Variants in COL25A1 observed in about 807,000 individuals in gnomAD.
COL25A1 encodes collagen type XXV alpha 1 chain.
COL25A1 carries 103 observed loss-of-function variants against 128.4 expected under a neutral mutation model. The observed-to-expected ratio is 0.80, with a 90% confidence interval of 0.68 to 0.94. The LOEUF is 0.94. COL25A1 is among the 40% of genes least tolerant of loss of function. COL25A1 has a pLI of 0.00. For missense variants in COL25A1, 745 were observed against 840.0 expected, an observed-to-expected ratio of 0.89 and a Z score of 1.40; for synonymous variants, 279 against 277.2, an observed-to-expected ratio of 1.01 and a Z score of -0.06.
At chr4:109,230,446 C>A (rs1779093022) in intron 3 of COL25A1, among the ~76,000 whole-genome samples, 1 of 152,168 alleles carries the variant, frequency 6.6e-6, no homozygotes, top group African/African-American at 2.4e-5. Context: ...TTATTTAAAT[C>A]ACTCTTGCCT....
intron 24 of COL25A1, among the ~76,000 whole-genome samples, chr4:108,857,531 G>A (rs1736668984): frequency 6.9e-6 from 1 of 145,730 alleles, no homozygotes; most frequent in Non-Finnish European, 1.5e-5. Context: ...GAAAAATAAT[G>A]AAAAGGCCAA....
At chr4:109,179,061 T>G (rs1453611170) in intron 3 of COL25A1, among the ~76,000 whole-genome samples, 3 of 151,918 alleles carry the variant, frequency 2.0e-5, no homozygotes, top group African/African-American at 7.3e-5. Context: ...AAAGTTGTCC[T>G]AAAATGTTTT....
intron 3 of COL25A1, among the ~76,000 whole-genome samples, chr4:109,181,871 C>T (rs1774666599): frequency 6.6e-6 from 1 of 151,996 alleles, no homozygotes; most frequent in Non-Finnish European, 1.5e-5. Flanking sequence ...TGCCCCTAGC[C>T]CTTGATAACC....
At chr4:108,917,934 T>C (rs544774821) in intron 13 of COL25A1, among the ~76,000 whole-genome samples, 37 of 152,310 alleles carry the variant, frequency 2.4e-4, no homozygotes, top group African/African-American at 7.9e-4. Context: ...ACATAATTTA[T>C]TGAAAAGCAA....
At chr4:108,871,343 G>T (rs901571889) in intron 19 of COL25A1, among the ~76,000 whole-genome samples, 1 of 151,898 alleles carries the variant, frequency 6.6e-6, no homozygotes, top group African/African-American at 2.4e-5. Context: ...TTTTTGAGAC[G>T]GAGTCTCAGT....
chr4:108,837,961 A>G, intron 31 of COL25A1: 2 of 688,730 alleles, frequency 2.9e-6, no homozygotes, highest in Non-Finnish European at 5.1e-6. Flanking sequence ...AACTGGGCTG[A>G]GCTCTGCTCT....
At chr4:108,952,175 A>C (rs1160668200) in intron 8 of COL25A1, among the ~76,000 whole-genome samples, 2 of 152,210 alleles carry the variant, frequency 1.3e-5, no homozygotes, top group African/African-American at 4.8e-5. Flanking sequence ...GTAGTAATTA[A>C]AAATAAATCT....
At chr4:109,166,941 G>A (rs1160576737) in intron 3 of COL25A1, among the ~76,000 whole-genome samples, 1 of 152,156 alleles carries the variant, frequency 6.6e-6, no homozygotes, top group Non-Finnish European at 1.5e-5. Flanking sequence ...ATCTGCAAGA[G>A]GAAAGTACTT....
chr4:108,868,720 G>A (rs1195524356), intron 20 of COL25A1, among the ~76,000 whole-genome samples: 2 of 142,486 alleles, frequency 1.4e-5, no homozygotes, highest in African/African-American at 5.2e-5. Flanking sequence ...AGGAGGGAAG[G>A]AAGAAAGGAA....
chr4:109,065,595 C>A (rs1007272677), intron 3 of COL25A1, among the ~76,000 whole-genome samples: 1 of 150,258 alleles, frequency 6.7e-6, no homozygotes, highest in African/African-American at 2.5e-5. Flanking sequence ...GGTGCATGCA[C>A]GTGTGTTTAA....
intron 3 of COL25A1, among the ~76,000 whole-genome samples, chr4:109,175,622 T>C (rs1199948634): frequency 6.6e-6 from 1 of 152,236 alleles, no homozygotes; most frequent in Non-Finnish European, 1.5e-5. Flanking sequence ...CATGAGATTT[T>C]ATTTATCCAT....
At chr4:109,274,427 G>A (rs17306205) in intron 3 of COL25A1, among the ~76,000 whole-genome samples, 1 of 152,028 alleles carries the variant, frequency 6.6e-6, no homozygotes, top group Non-Finnish European at 1.5e-5. Flanking sequence ...AAAGAGAAAT[G>A]ATTTCCTCAG....
intron 3 of COL25A1, among the ~76,000 whole-genome samples, chr4:109,169,588 G>A (rs1275746103): frequency 6.6e-6 from 1 of 152,132 alleles, no homozygotes; most frequent in African/African-American, 2.4e-5. Flanking sequence ...AGACTGAATT[G>A]ACCATTTAGG....
intron 3 of COL25A1, among the ~76,000 whole-genome samples, chr4:109,192,144 G>A (rs545456958): frequency 3.3e-5 from 5 of 152,292 alleles, no homozygotes; most frequent in African/African-American, 1.2e-4. Context: ...CTAGAATACA[G>A]GGTATGTGGA....
At chr4:109,019,004 T>C (rs1024805385) in intron 5 of COL25A1, among the ~76,000 whole-genome samples, 8 of 152,240 alleles carry the variant, frequency 5.3e-5, no homozygotes, top group Middle Eastern at 3.4e-3. Flanking sequence ...CTTGATTGGA[T>C]TGAGGGATAC....
At chr4:109,236,623 A>T (rs973765510) in intron 3 of COL25A1, among the ~76,000 whole-genome samples, 1 of 152,108 alleles carries the variant, frequency 6.6e-6, no homozygotes, top group Non-Finnish European at 1.5e-5. Flanking sequence ...TTAAAAAGTC[A>T]TCCTTATCCA....
intron 7 of COL25A1, 46 bp from the exon 8 acceptor site, chr4:108,974,439 C>A (rs1371117048): frequency 1.9e-6 from 3 of 1,610,710 alleles, no homozygotes; most frequent in African/African-American, 1.3e-5. Context: ...AAAATTTATA[C>A]ATGATGTTCA....
chr4:108,812,442 C>G lies in COL25A1; in HGVS notation c.*1485G>C, dbSNP rs1187573441. 6.6e-6 allele frequency: 1 copy of G among 152,052 alleles called. No individual in the cohort carries two copies. Among genetic ancestry groups the G allele is most frequent in the Non-Finnish European group, 1.5e-5 (1 of 67,980 alleles). 9.4% of individuals were successfully genotyped at this position (152,052 alleles called of 1,614,324 possible). A position where few individuals can be genotyped will look rare whatever the true frequency, so the allele number is the denominator to read the frequency against. On this transcript the variant is annotated 3_prime_UTR_variant, in exon 38 of 38. Coordinates refer to ENST00000399132, the MANE Select transcript of COL25A1 (RefSeq NM_198721.4). Reference sequence around the variant, plus strand: ...ATTCATCATGTAAAAAAAGTCAAAACTACTTAAAAATGCATAACTTTCATG... The same window carrying G: ...ATTCATCATGTAAAAAAAGTCAAAAGTACTTAAAAATGCATAACTTTCATG...
At chr4:108,885,840 T>C (rs755499282) in intron 18 of COL25A1, among the ~76,000 whole-genome samples, 26 of 152,214 alleles carry the variant, frequency 1.7e-4, no homozygotes, top group Non-Finnish European at 2.5e-4. Context: ...ATCTGAAACA[T>C]TTGTGGAAGT....
Sources: gnomAD v4.1 joint callset for allele counts (sites outside exome capture counted in the v4.1 genomes callset) on GRCh38, gnomAD v4.1.1 for gene constraint, MANE v1.5 for transcripts, NCBI Gene and HGNC (gene_info 2026-07-23, HGNC 2026-07-21) for gene names.